Variants in SUDS3 observed in about 807,000 individuals in gnomAD.
SUDS3 encodes the protein SIN3A corepressor complex component SDS3.
A neutral mutation model predicts 53.5 loss-of-function variants in SUDS3; 23 were observed. The observed-to-expected ratio is 0.43, with a 90% CI of 0.31 to 0.61. The LOEUF is 0.61. SUDS3 is among the 20% of genes least tolerant of loss of function. The pLI, the probability that SUDS3 is intolerant of heterozygous loss-of-function variation, is 0.10. For missense variants in SUDS3, 291 were observed against 405.9 expected (o/e 0.72, Z 2.43); for synonymous variants, 150 against 148.5 (o/e 1.01, Z -0.08).
At chr12:118,405,848 G>A (rs956771615) in intron 10 of SUDS3, among the ~76,000 whole-genome samples, 6 of 152,160 alleles carry the variant, frequency 3.9e-5, no homozygotes, top group African/African-American at 1.4e-4. Context: ...TTTGGCAGAC[G>A]TGGCCTGTGG....
Position 118,401,977 on chromosome 12 carries a change from C to T in SUDS3, c.676-6C>T, listed in dbSNP as rs1408922323. On this transcript the variant is annotated splice_region_variant and splice_polypyrimidine_tract_variant and intron_variant, in intron 8 of 11. Coordinates refer to ENST00000543473, the MANE Select transcript of SUDS3 (RefSeq NM_022491.3). ...CTAAGATTTTTTGTTGTTGTTCTTC[C>T]TACAGCTTAAGTCACCCAAGAGACC... The T allele has an allele frequency of 1.2e-6, 2 of 1,613,898 alleles. No homozygotes were observed. The highest frequency in any genetic ancestry group is 1.1e-5 in the South Asian group (1 of 91,074).
intron 6 of SUDS3, among the ~76,000 whole-genome samples, chr12:118,393,491 A>G (rs146587463): frequency 3.7e-4 from 56 of 152,236 alleles, no homozygotes; most frequent in African/African-American, 1.3e-3. Context: ...TCTTGTGGAA[A>G]ACTGGGTTGT....
rs756789628 is a variant in SUDS3, at chr12:118,401,743, CT to C, written c.614-13del. On this transcript the variant is annotated splice_polypyrimidine_tract_variant and intron_variant, in intron 7 of 11. Transcript: ENST00000543473. ...GAAACTGTACTTTTCACATACAGTC[CT>C]TTAACTCTCAACACCCCAGCTAAAC... is the stretch of plus-strand genomic sequence containing the variant. 7.4e-6 allele frequency: 12 copies of C among 1,611,034 alleles called. No individual in the cohort carries two copies. The highest frequency in any genetic ancestry group is 1.0e-5 in the Non-Finnish European group (12 of 1,177,432).
chr12:118,386,112 A>G lies in SUDS3; in HGVS notation c.269-2A>G, dbSNP rs753013607. On this transcript the variant is annotated splice_acceptor_variant, in intron 3 of 11. Coordinates refer to ENST00000543473, the MANE Select transcript of SUDS3 (RefSeq NM_022491.3). LOFTEE classifies it high-confidence loss of function. ...TTTTATTTTTCAAATGTTCAAAATC[A>G]GGTACATTACAGGAATATCAGAAGA... The G allele has an allele frequency of 2.5e-6, 4 of 1,586,164 alleles. No individual in the cohort carries two copies. The South Asian group carries it at 3.5e-5, about 14-fold the overall frequency.
rs1486756594 is a variant in SUDS3 at position 118,417,097 on chromosome 12, T to A, written c.*2664T>A. The stretch of plus-strand genomic sequence containing the variant: ...CATGCCCTGCCTACCCCCTTTTCCC[T>A]GAACCACGTCCTTTTGAATAATTTC... On this transcript the variant is annotated 3_prime_UTR_variant, in exon 12 of 12. Coordinates refer to ENST00000543473, the MANE Select transcript of SUDS3 (RefSeq NM_022491.3). 1 of 152,146 alleles carries A rather than the reference T, an allele frequency of 6.6e-6. No individual in the cohort carries two copies. Among genetic ancestry groups the A allele is most frequent in the Non-Finnish European group, 1.5e-5 (1 of 68,036 alleles). The allele number at this position is 152,146 out of a possible 1,614,324, so 9.4% of individuals were successfully genotyped here.
rs372419348 is a variant in SUDS3 at position 118,411,184 on chromosome 12, G to A, written c.888+27G>A. On this transcript the variant is annotated intron_variant, in intron 11 of 11. Coordinates refer to ENST00000543473, the MANE Select transcript of SUDS3 (RefSeq NM_022491.3). Reference sequence around the variant, plus strand: ...TGGGAACCACACTCCCTCACCTTTAGGGAAGCAAAATGTGTACTGCGAAGT... The same window carrying A: ...TGGGAACCACACTCCCTCACCTTTAAGGAAGCAAAATGTGTACTGCGAAGT... The A allele has an allele frequency of 6.8e-5, 106 of 1,566,722 alleles. No individual in the cohort carries two copies. The East Asian group carries it at 7.3e-4, about 11-fold the overall frequency.
chr12:118,395,227 T>TG (rs1019497503), intron 6 of SUDS3, among the ~76,000 whole-genome samples: 5 of 139,406 alleles, frequency 3.6e-5, no homozygotes, highest in African/African-American at 1.4e-4. Context: ...TTTTTTTTTT[T>TG]TTTTTTTTTT....
At position 118,416,187 on chromosome 12, in the gene SUDS3, T is replaced by C. The variant is rs900740530; in HGVS notation, c.*1754T>C. On this transcript the variant is annotated 3_prime_UTR_variant, in exon 12 of 12. Transcript: ENST00000543473. ...TGTGTCACATCACATATTGTGCAGC[T>C]GTTGGTTTTCATGTAGTGCCCTGCG... is the stretch of plus-strand genomic sequence containing the variant. The C allele has an allele frequency of 1.4e-4, 21 of 152,230 alleles. No homozygotes were observed. The highest frequency in any genetic ancestry group is 7.8e-4 in the Admixed American group (12 of 15,288). The allele number at this position is 152,230 out of a possible 1,614,324, so 9.4% of individuals were successfully genotyped here. A position where few individuals can be genotyped will look rare whatever the true frequency, so the allele number is the denominator to read the frequency against.
chr12:118,395,226 T>G (rs976254476), intron 6 of SUDS3, among the ~76,000 whole-genome samples: 6 of 139,258 alleles, frequency 4.3e-5, no homozygotes, highest in Admixed American at 1.6e-4. Context: ...GTTTTTTTTT[T>G]TTTTTTTTTT....
At chr12:118,385,401 G>A (rs1191585073) in intron 3 of SUDS3, among the ~76,000 whole-genome samples, 1 of 152,186 alleles carries the variant, frequency 6.6e-6, no homozygotes, top group South Asian at 2.1e-4. Context: ...GAGCCACCAT[G>A]CCCAGCCTGA....
intron 4 of SUDS3, 119 bp downstream of exon 4, chr12:118,386,304 A>G: frequency 1.3e-6 from 1 of 799,714 alleles, no homozygotes; most frequent in Non-Finnish European, 2.0e-6. Flanking sequence ...TCTGTCAGGG[A>G]GAGTTTTCAG....
chr12:118,390,791 A>T (rs1312837423), intron 5 of SUDS3, among the ~76,000 whole-genome samples: 1 of 152,234 alleles, frequency 6.6e-6, no homozygotes, highest in Non-Finnish European at 1.5e-5. Context: ...TTTTGAATAT[A>T]CACAATTTAT....
intron 9 of SUDS3, among the ~76,000 whole-genome samples, 192 bp from the exon 10 acceptor site, chr12:118,403,219 TC>T (rs1390285939): frequency 6.6e-6 from 1 of 152,178 alleles, no homozygotes. Context: ...CTTGCCTACT[TC>T]CCAGGGTTGC....
At position 118,389,899 on chromosome 12, in the gene SUDS3, A is replaced by G. The variant is rs1247941665; in HGVS notation, c.341-28A>G. On this transcript the variant is annotated intron_variant, in intron 4 of 11. Coordinates refer to ENST00000543473, the MANE Select transcript of SUDS3 (RefSeq NM_022491.3). ...CTAGAAAGGTGGCACAGCCTAGCAA[A>G]TCTAATTGCACTTTTTATCTCTTGC... is the stretch of plus-strand genomic sequence containing the variant. The G allele has an allele frequency of 2.5e-6, 4 of 1,614,002 alleles. No homozygotes were observed. In the Admixed American group the frequency reaches 5.0e-5, roughly 20 times the overall value.
At chr12:118,404,647 A>G (rs2046294393) in intron 10 of SUDS3, among the ~76,000 whole-genome samples, 1 of 152,174 alleles carries the variant, frequency 6.6e-6, no homozygotes, top group Non-Finnish European at 1.5e-5. Flanking sequence ...ATATGCAGGC[A>G]TAGTCTATTC....
intron 5 of SUDS3, 116 bp from the exon 6 acceptor site, chr12:118,391,010 T>C (rs2046162279): frequency 8.9e-7 from 1 of 1,125,740 alleles, no homozygotes; most frequent in African/African-American, 1.5e-5. Context: ...TTACTGCAAG[T>C]GTGTGTGAGG....
At chr12:118,398,879 A>G (rs1054016111) in intron 6 of SUDS3, among the ~76,000 whole-genome samples, 1 of 152,102 alleles carries the variant, frequency 6.6e-6, no homozygotes, top group African/African-American at 2.4e-5. Context: ...TGACCTGTAC[A>G]CCGTGGCACT....
At chr12:118,382,311 G>A (rs1056111305) in intron 2 of SUDS3, among the ~76,000 whole-genome samples, 6 of 151,834 alleles carry the variant, frequency 4.0e-5, no homozygotes, top group Non-Finnish European at 7.4e-5. Context: ...GCCTCCCATC[G>A]TGTTGAGATT....
At chr12:118,411,003 T>C in intron 10 of SUDS3, 70 bp from the exon 11 acceptor site, 1 of 1,264,498 alleles carries the variant, frequency 7.9e-7, no homozygotes, top group Non-Finnish European at 1.1e-6. Context: ...ATGGTGTTTT[T>C]GTTTTGTTTG....
Sources: allele counts gnomAD v4.1 joint callset (sites outside exome capture counted in the v4.1 genomes callset), GRCh38; gene constraint gnomAD v4.1.1; transcripts MANE v1.5; gene names NCBI Gene and HGNC (gene_info 2026-07-23, HGNC 2026-07-21).